ELP3: variants seen among roughly 807,000 people sequenced by gnomAD.
The protein encoded by ELP3 is elongator acetyltransferase complex subunit 3.
In ELP3, 56 loss-of-function variants were observed where a neutral mutation model predicts 74.9. The ratio of observed to expected loss-of-function variants is 0.75; its 90% CI spans 0.60 to 0.93. The LOEUF is 0.93. Ranked by LOEUF, ELP3 falls within the 40% of genes least tolerant of loss-of-function variation. The pLI is 0.00. For missense variants in ELP3, 573 were observed against 686.5 expected, an observed-to-expected ratio of 0.83 and a Z score of 1.85; for synonymous variants, 222 against 239.8, an observed-to-expected ratio of 0.93 and a Z score of 0.68.
chr8:28,106,079 CAGAG>C (rs1170140626), intron 3 of ELP3, among the ~76,000 whole-genome samples: 3 of 152,138 alleles, frequency 2.0e-5, no homozygotes, highest in South Asian at 2.1e-4. Context: ...CTAAGACAAT[CAGAG>C]AGAGAAAGAC....
chr8:28,090,235 G>T (rs1811017345), upstream of ELP3: 1 of 267,618 alleles, frequency 3.7e-6, no homozygotes, highest in Non-Finnish European at 7.2e-6. Flanking sequence ...CCCAGCCGAA[G>T]CTTCAGGAGA....
rs188551493 is a variant in ELP3, at chr8:28,142,321, C to T, written c.1100+4430C>T. 6.6e-5 allele frequency among the ~76,000 whole-genome samples: 10 copies of T among 152,318 alleles called. No homozygotes were observed. The East Asian group carries it at 1.9e-3, about 29-fold the overall frequency. On this transcript the variant is annotated intron_variant, in intron 10 of 14. Coordinates refer to ENST00000256398, the MANE Select transcript of ELP3 (RefSeq NM_018091.6). ...CAGTTCTTCTGATATGACCCCGTTA[C>T]ACTTATCCTATGGAGAATTGGCCCA...
At chr8:28,132,589 A>G (rs1446079105) in intron 9 of ELP3, among the ~76,000 whole-genome samples, 185 bp downstream of exon 9, 1 of 152,188 alleles carries the variant, frequency 6.6e-6, no homozygotes, top group African/African-American at 2.4e-5. Context: ...AACTCTTAAC[A>G]TTTTAATGAA....
At chr8:28,102,823 T>C (rs1172407761) in intron 3 of ELP3, among the ~76,000 whole-genome samples, 2 of 152,248 alleles carry the variant, frequency 1.3e-5, no homozygotes, top group Non-Finnish European at 2.9e-5. Flanking sequence ...CAATGCATAA[T>C]GTCATGTATC....
At chr8:28,109,788 CAAAA>C (rs35750434) in intron 5 of ELP3, among the ~76,000 whole-genome samples, 2 of 152,172 alleles carry the variant, frequency 1.3e-5, no homozygotes, top group African/African-American at 4.8e-5. Flanking sequence ...TGTTGGCACT[CAAAA>C]AATTATGAGG....
intron 5 of ELP3, among the ~76,000 whole-genome samples, chr8:28,109,749 A>G (rs1253057211): frequency 6.6e-6 from 1 of 152,194 alleles, no homozygotes; most frequent in East Asian, 1.9e-4. Context: ...GTTAAGTACT[A>G]TGTGTGGAAT....
intron 1 of ELP3, 129 bp downstream of exon 1, chr8:28,093,362 T>C (rs1315211443): frequency 4.6e-6 from 6 of 1,303,238 alleles, no homozygotes; most frequent in Non-Finnish European, 6.4e-6. Context: ...CCACCTAGGG[T>C]CAGTGTGTCC....
At chr8:28,184,409 C>T (rs1356081110) in intron 14 of ELP3, among the ~76,000 whole-genome samples, 1 of 152,152 alleles carries the variant, frequency 6.6e-6, no homozygotes, top group Non-Finnish European at 1.5e-5. Context: ...CTGAGTGCCC[C>T]TGCCCAAGGT....
At chr8:28,098,853 C>T (rs548411826) in intron 2 of ELP3, among the ~76,000 whole-genome samples, 19 of 152,352 alleles carry the variant, frequency 1.2e-4, no homozygotes, top group African/African-American at 4.6e-4. Context: ...ACTCTTTCTT[C>T]TGTGCTCATT....
upstream of ELP3, chr8:28,090,295 G>A (rs756712877): frequency 2.4e-6 from 1 of 408,862 alleles, no homozygotes. Context: ...AGCCCAGGCT[G>A]TTGCTTCCTG....
intron 3 of ELP3, among the ~76,000 whole-genome samples, chr8:28,105,579 C>A (rs1811656415): frequency 1.3e-5 from 2 of 152,098 alleles, no homozygotes; most frequent in Admixed American, 1.3e-4. Flanking sequence ...TCTCAGTGGA[C>A]CAAGCGAGGA....
chr8:28,154,658 T>G (rs1478797320), intron 10 of ELP3, among the ~76,000 whole-genome samples: 1 of 152,200 alleles, frequency 6.6e-6, no homozygotes, highest in East Asian at 1.9e-4. Flanking sequence ...CATATGTTCC[T>G]TGCCAAAATT....
intron 5 of ELP3, 119 bp from the exon 6 acceptor site, chr8:28,110,251 G>A (rs532227835): frequency 5.7e-5 from 49 of 861,534 alleles, no homozygotes; most frequent in Admixed American, 4.6e-4. Context: ...AATTAATGCG[G>A]GTACAAGCCA....
intron 13 of ELP3, among the ~76,000 whole-genome samples, 178 bp downstream of exon 13, chr8:28,160,634 C>A (rs964550224): frequency 2.6e-5 from 4 of 152,134 alleles, no homozygotes; most frequent in African/African-American, 9.7e-5. Context: ...CAAATTGTAT[C>A]CTTTTGGGAG....
chr8:28,106,787 A>T lies in ELP3; in HGVS notation c.329+4A>T, dbSNP rs950307694. 2.5e-6 allele frequency: 4 copies of T among 1,610,132 alleles called. No homozygotes were observed. In the South Asian group the frequency reaches 4.4e-5, roughly 18 times the overall value. On this transcript the variant is annotated splice_donor_region_variant and intron_variant, in intron 4 of 14. Coordinates refer to ENST00000256398, the MANE Select transcript of ELP3 (RefSeq NM_018091.6). ...GTTTTACAGGAAATATATGTGTGTA[A>T]GTATGGTGATTTTATTAAATTGTAT...
At chr8:28,123,346 A>G (rs1317755206) in intron 7 of ELP3, among the ~76,000 whole-genome samples, 1 of 152,088 alleles carries the variant, frequency 6.6e-6, no homozygotes, top group African/African-American at 2.4e-5. Flanking sequence ...ATATCTTATT[A>G]ATTTCTAATT....
At chr8:28,104,826 T>G (rs963501587) in intron 3 of ELP3, among the ~76,000 whole-genome samples, 1 of 152,222 alleles carries the variant, frequency 6.6e-6, no homozygotes, top group African/African-American at 2.4e-5. Flanking sequence ...TTTTTCCACT[T>G]TGTATTAAGA....
chr8:28,159,395 T>C (rs566586739), intron 12 of ELP3, among the ~76,000 whole-genome samples: 2 of 152,344 alleles, frequency 1.3e-5, no homozygotes, highest in South Asian at 2.1e-4. Context: ...GCCAGATTCT[T>C]GTGCTGTTCA....
chr8:28,189,577 G>GA, intron 14 of ELP3, 72 bp from the exon 15 acceptor site: 1 of 1,469,480 alleles, frequency 6.8e-7, no homozygotes, highest in South Asian at 1.1e-5. Flanking sequence ...GTGTAAGGCT[G>GA]AGGGAAGCAC....
Sources: allele counts gnomAD v4.1 joint callset (sites outside exome capture counted in the v4.1 genomes callset), GRCh38; gene constraint gnomAD v4.1.1; transcripts MANE v1.5; gene names NCBI Gene and HGNC (gene_info 2026-07-23, HGNC 2026-07-21).